The following VPS41 variants were observed in gnomAD, a reference collection of about 807,000 sequenced individuals.
VPS41 encodes VPS41 subunit of HOPS complex, also known as vacuolar protein sorting-associated protein 41 homolog.
Under a neutral mutation model 130.9 loss-of-function variants are expected in VPS41, and 85 were observed. The ratio of observed to expected loss-of-function variants is 0.65; its 90% CI spans 0.55 to 0.78. The LOEUF is 0.78. Ranked by LOEUF, VPS41 falls within the 30% of genes least tolerant of loss-of-function variation. The pLI is 0.00. For synonymous variants in VPS41, 335 were observed against 332.9 expected (o/e 1.01, Z -0.07); for missense variants, 874 against 1,018.7 (o/e 0.86, Z 1.93).
At chr7:38,830,201 T>C (rs531873394) in intron 5 of VPS41, 53 bp downstream of exon 5, 40 of 1,149,900 alleles carry the variant, frequency 3.5e-5, no homozygotes, top group Non-Finnish European at 5.3e-5. Flanking sequence ...GCTGTTCCGA[T>C]CACCTGGGGC....
intron 21 of VPS41, among the ~76,000 whole-genome samples, chr7:38,753,844 C>T (rs1017562881): frequency 7.2e-5 from 11 of 152,138 alleles, no homozygotes; most frequent in Admixed American, 7.2e-4. Context: ...TCATTCCCTT[C>T]CTGCAGTCTT....
chr7:38,726,013 A>G lies in VPS41; in HGVS notation c.*233T>C. The G allele has an allele frequency of 2.1e-6, 1 of 472,444 alleles. No homozygotes were observed. 29.3% of individuals were successfully genotyped at this position (472,444 alleles called of 1,614,324 possible). A position where few individuals can be genotyped will look rare whatever the true frequency, so the allele number is the denominator to read the frequency against. The stretch of plus-strand genomic sequence containing the variant: ...TATAAAGAATGAGCCAAACAAATAA[A>G]TAACAAAATATTCACTATGGACCCC... On this transcript the variant is annotated 3_prime_UTR_variant, in exon 29 of 29. Transcript: ENST00000310301.
chr7:38,833,130 A>G (rs1284690755), intron 4 of VPS41, among the ~76,000 whole-genome samples: 1 of 152,038 alleles, frequency 6.6e-6, no homozygotes, highest in East Asian at 1.9e-4. Context: ...CACAACTCCT[A>G]TCACCTCTTC....
chr7:38,818,411 C>G (rs992586826), intron 6 of VPS41, among the ~76,000 whole-genome samples: 1 of 152,108 alleles, frequency 6.6e-6, no homozygotes, highest in Non-Finnish European at 1.5e-5. Context: ...AAGAGCTAAC[C>G]GTTCAGGACT....
chr7:38,877,646 C>T (rs1169321274), intron 2 of VPS41, among the ~76,000 whole-genome samples: 1 of 152,116 alleles, frequency 6.6e-6, no homozygotes, highest in East Asian at 1.9e-4. Context: ...AAAGAAGCAA[C>T]TTGCTAACCA....
intron 10 of VPS41, among the ~76,000 whole-genome samples, chr7:38,778,894 C>T (rs1188957353): frequency 2.0e-5 from 3 of 152,140 alleles, no homozygotes; most frequent in African/African-American, 4.8e-5. Flanking sequence ...TGAGAATGAG[C>T]TCCAAGATAC....
At chr7:38,734,776 C>T (rs1200208348) in intron 25 of VPS41, among the ~76,000 whole-genome samples, 1 of 152,180 alleles carries the variant, frequency 6.6e-6, no homozygotes, top group Non-Finnish European at 1.5e-5. Context: ...CTGACATTGC[C>T]TTGTTCATAC....
chr7:38,878,352 C>T (rs1786533858), intron 2 of VPS41, among the ~76,000 whole-genome samples: 2 of 152,138 alleles, frequency 1.3e-5, no homozygotes, highest in South Asian at 4.1e-4. Context: ...CAGGCTGTTT[C>T]AGTGGCAAGT....
intron 22 of VPS41, among the ~76,000 whole-genome samples, chr7:38,748,132 G>C (rs1796022422): frequency 1.3e-5 from 2 of 152,204 alleles, no homozygotes; most frequent in Admixed American, 1.3e-4. Flanking sequence ...TTAGATTCTT[G>C]AATGTTCCTG....
At chr7:38,835,131 A>G (rs558738259) in intron 4 of VPS41, among the ~76,000 whole-genome samples, 67 of 152,036 alleles carry the variant, frequency 4.4e-4, no homozygotes, top group Admixed American at 1.4e-3. Flanking sequence ...TCTTACAGGT[A>G]TAAGTACTTG....
intron 1 of VPS41, among the ~76,000 whole-genome samples, chr7:38,907,235 A>G (rs1175689787): frequency 6.6e-6 from 1 of 152,216 alleles, no homozygotes; most frequent in Non-Finnish European, 1.5e-5. Flanking sequence ...AAGCCTGTAA[A>G]TATCAGGGTT....
intron 25 of VPS41, among the ~76,000 whole-genome samples, chr7:38,738,831 G>A (rs1795825496): frequency 6.6e-6 from 1 of 152,132 alleles, no homozygotes; most frequent in African/African-American, 2.4e-5. Flanking sequence ...TAAAAACATA[G>A]AAAGTTAAAG....
At chr7:38,759,163 A>G (rs1783864956) in intron 17 of VPS41, among the ~76,000 whole-genome samples, 1 of 152,218 alleles carries the variant, frequency 6.6e-6, no homozygotes, top group Non-Finnish European at 1.5e-5. Flanking sequence ...ATAACTTGTG[A>G]TTGGTATGTC....
At chr7:38,853,247 A>G (rs919510907) in intron 4 of VPS41, among the ~76,000 whole-genome samples, 2 of 151,912 alleles carry the variant, frequency 1.3e-5, no homozygotes, top group Non-Finnish European at 2.9e-5. Flanking sequence ...GTGAAACCCC[A>G]TCTCTACTAA....
intron 2 of VPS41, among the ~76,000 whole-genome samples, chr7:38,892,971 T>C (rs866705945): frequency 1.2e-4 from 18 of 152,152 alleles, no homozygotes; most frequent in Admixed American, 1.1e-3. Flanking sequence ...CCCAGGCCTC[T>C]ACACTCCTCC....
At chr7:38,728,430 T>C (rs747771284) in intron 27 of VPS41, 112 bp downstream of exon 27, 55 of 1,191,404 alleles carry the variant, frequency 4.6e-5, no homozygotes, top group Non-Finnish European at 6.6e-5. Context: ...CTCCACTGGG[T>C]TATTCTGAAA....
At chr7:38,766,343 G>C (rs1784042425) in intron 15 of VPS41, among the ~76,000 whole-genome samples, 2 of 152,102 alleles carry the variant, frequency 1.3e-5, no homozygotes, top group African/African-American at 4.8e-5. Context: ...CTGCAACCCA[G>C]GATCCTGGGG....
chr7:38,792,320 T>C (rs775869406), intron 9 of VPS41, among the ~76,000 whole-genome samples: 8 of 152,222 alleles, frequency 5.3e-5, no homozygotes, highest in Non-Finnish European at 1.2e-4. Context: ...TCTAATCTGC[T>C]TCCTCCACTT....
chr7:38,868,401 C>A (rs534619994), intron 3 of VPS41, among the ~76,000 whole-genome samples: 7 of 152,174 alleles, frequency 4.6e-5, no homozygotes, highest in African/African-American at 1.7e-4. Flanking sequence ...GGGAAGCAAG[C>A]GGGAGGATGA....
Sources: gnomAD v4.1 joint callset for allele counts (sites outside exome capture counted in the v4.1 genomes callset) on GRCh38, gnomAD v4.1.1 for gene constraint, MANE v1.5 for transcripts, NCBI Gene and HGNC (gene_info 2026-07-23, HGNC 2026-07-21) for gene names.